Variants in GOLGA1 observed in about 807,000 individuals in gnomAD.
GOLGA1 encodes golgin subfamily A member 1.
GOLGA1 carries 63 observed loss-of-function variants against 119.7 expected under a neutral mutation model. The observed-to-expected ratio is 0.53, with a 90% CI of 0.43 to 0.65. GOLGA1 has a LOEUF of 0.65. Among genes scored for constraint, GOLGA1 ranks in the 30% least tolerant of loss-of-function variants. The pLI, the probability that GOLGA1 is intolerant of heterozygous loss-of-function variation, is 0.00. For synonymous variants in GOLGA1, 318 were observed against 333.4 expected, an observed-to-expected ratio of 0.95 and a Z score of 0.50; for missense variants, 798 against 912.8, an observed-to-expected ratio of 0.87 and a Z score of 1.62.
chr9:124,915,344 T>G (rs190562016), intron 10 of GOLGA1, among the ~76,000 whole-genome samples: 1 of 152,354 alleles, frequency 6.6e-6, no homozygotes. Context: ...GTAAAGCTCT[T>G]GAATACTGAG....
upstream of GOLGA1, among the ~76,000 whole-genome samples, chr9:124,941,835 A>G (rs1030890340): frequency 3.9e-5 from 6 of 152,102 alleles, no homozygotes; most frequent in Non-Finnish European, 8.8e-5. Context: ...GGTCCCAGCT[A>G]CTCGGAAGAC....
In GOLGA1 at chr9:124,923,217, T is replaced by C. The variant is rs763836477; in HGVS notation, c.439A>G (p.Asn147Asp). The C allele has an allele frequency of 1.3e-6, 2 of 1,591,676 alleles. No homozygotes were observed. The highest frequency in any genetic ancestry group is 1.7e-6 in the Non-Finnish European group (2 of 1,165,194). Reference protein sequence around the residue: ...EKMDQLEKEKNILTAQLQEMK... With the variant: ...EKMDQLEKEKDILTAQLQEMK... ...TCCTGTAACTGGGCTGTCAGAATAT[T>C]TTTCTCCTATTTGAAAGAAGAAGAC... Residue 147 changes from asparagine (N) to aspartate (D), a missense_variant, in exon 8 of 23, where the codon AAT becomes GAT. By Grantham distance (23) the Asn-to-Asp change is conservative. Coordinates refer to ENST00000373555, the MANE Select transcript of GOLGA1 (RefSeq NM_002077.4).
intron 19 of GOLGA1, 52 bp from the exon 20 acceptor site, chr9:124,882,621 C>A: frequency 1.4e-6 from 2 of 1,429,648 alleles, no homozygotes; most frequent in Admixed American, 1.7e-5. Context: ...CATGTTTCAC[C>A]AAAGGAAACA....
At chr9:124,918,548 G>T (rs1052627702) in intron 10 of GOLGA1, among the ~76,000 whole-genome samples, 3 of 152,096 alleles carry the variant, frequency 2.0e-5, no homozygotes, top group Non-Finnish European at 4.4e-5. Context: ...CAGATCACTT[G>T]ATGCCAGGAG....
chr9:124,920,726 G>C (rs1830549419), intron 10 of GOLGA1, among the ~76,000 whole-genome samples: 1 of 151,874 alleles, frequency 6.6e-6, no homozygotes, highest in Admixed American at 6.6e-5. Context: ...ACGAGGTCAG[G>C]AGTTTGAGAC....
At chr9:124,918,249 T>C (rs1830491964) in intron 10 of GOLGA1, among the ~76,000 whole-genome samples, 1 of 152,222 alleles carries the variant, frequency 6.6e-6, no homozygotes, top group Non-Finnish European at 1.5e-5. Flanking sequence ...TACTGATTAA[T>C]GTCTGACTTC....
upstream of GOLGA1, chr9:124,943,349 C>T (rs1014451174): frequency 3.9e-5 from 6 of 152,162 alleles, no homozygotes; most frequent in African/African-American, 1.4e-4. Flanking sequence ...TATTAACTCA[C>T]AATATCCAAA....
chr9:124,911,737 T>C (rs1462744684), intron 11 of GOLGA1, among the ~76,000 whole-genome samples, 164 bp downstream of exon 11: 4 of 152,210 alleles, frequency 2.6e-5, no homozygotes, highest in Non-Finnish European at 5.9e-5. Context: ...ACAGGGGACA[T>C]AAGGCTCTTT....
chr9:124,893,130 G>C (rs976267803), intron 15 of GOLGA1, among the ~76,000 whole-genome samples: 6 of 152,114 alleles, frequency 3.9e-5, no homozygotes, highest in African/African-American at 1.4e-4. Context: ...CTCCTGAGTA[G>C]CTGGGACTAC....
rs185422436 is a variant in GOLGA1 at position 124,926,890 on chromosome 9, G to T, written c.400-149C>A. The stretch of plus-strand genomic sequence containing the variant: ...AATTAAAAAAAAATCTATAAACTTG[G>T]TTTAATATTAAGAAAGGCAAGAGTC... On this transcript the variant is annotated intron_variant, in intron 6 of 22. Transcript: ENST00000373555. 6.7e-4 allele frequency: 375 copies of T among 557,364 alleles called. 8 individuals carry two copies. In the Admixed American group the frequency reaches 0.012, roughly 18 times the overall value. The allele number at this position is 557,364 out of a possible 1,614,324, so 34.5% of individuals were successfully genotyped here.
intron 3 of GOLGA1, among the ~76,000 whole-genome samples, chr9:124,933,634 C>T (rs972000742): frequency 1.2e-4 from 19 of 152,150 alleles, no homozygotes; most frequent in Non-Finnish European, 8.8e-5. Flanking sequence ...AGGCTGGTCT[C>T]AAATTCCTGA....
chr9:124,920,729 T>C (rs533974728), intron 10 of GOLGA1, among the ~76,000 whole-genome samples: 1 of 151,596 alleles, frequency 6.6e-6, no homozygotes, highest in Non-Finnish European at 1.5e-5. Flanking sequence ...AGGTCAGGAG[T>C]TTGAGACCAG....
At chr9:124,883,567 C>T (rs1489308528) in intron 19 of GOLGA1, among the ~76,000 whole-genome samples, 2 of 152,164 alleles carry the variant, frequency 1.3e-5, no homozygotes, top group African/African-American at 2.4e-5. Flanking sequence ...CCTGCCTCAG[C>T]CTCCTGAGTA....
intron 12 of GOLGA1, among the ~76,000 whole-genome samples, chr9:124,901,308 G>A (rs1830100964): frequency 7.7e-6 from 1 of 130,272 alleles, no homozygotes; most frequent in Non-Finnish European, 1.6e-5. Flanking sequence ...GTGTCACTCT[G>A]TCATCAGGCT....
At chr9:124,901,762 G>A (rs1323990790) in intron 12 of GOLGA1, among the ~76,000 whole-genome samples, 2 of 152,100 alleles carry the variant, frequency 1.3e-5, no homozygotes, top group African/African-American at 2.4e-5. Flanking sequence ...TAATAGAGAC[G>A]GGGTTTCACC....
At chr9:124,938,482 A>T (rs1830925696) in intron 3 of GOLGA1, 95 bp downstream of exon 3, 1 of 1,050,934 alleles carries the variant, frequency 9.5e-7, no homozygotes, top group Admixed American at 2.0e-5. Context: ...TACAGCTATA[A>T]ACCATGAAAG....
At chr9:124,920,318 C>A in intron 10 of GOLGA1, among the ~76,000 whole-genome samples, 1 of 105,332 alleles carries the variant, frequency 9.5e-6, no homozygotes, top group Admixed American at 9.5e-5. Context: ...GAGATGGGGT[C>A]AAGAGGAGGA....
At chr9:124,921,628 A>G in intron 9 of GOLGA1, 95 bp downstream of exon 9, 1 of 972,736 alleles carries the variant, frequency 1.0e-6, no homozygotes, top group Non-Finnish European at 1.6e-6. Flanking sequence ...CCGGAATCAG[A>G]AAGTGGTGTA....
intron 3 of GOLGA1, 112 bp downstream of exon 3, chr9:124,938,465 G>GCT (rs1830925124): frequency 1.2e-6 from 1 of 857,000 alleles, no homozygotes; most frequent in African/African-American, 1.7e-5. Flanking sequence ...AGATGTACAG[G>GCT]CTCTTGTACA....
Sources: gnomAD v4.1 joint callset for allele counts (sites outside exome capture counted in the v4.1 genomes callset) on GRCh38, gnomAD v4.1.1 for gene constraint, MANE v1.5 for transcripts, NCBI Gene and HGNC (gene_info 2026-07-23, HGNC 2026-07-21) for gene names.